Variants in RTKN2 observed in about 807,000 individuals in gnomAD.
RTKN2 encodes the protein rhotekin-2.
In RTKN2, 69 loss-of-function variants were observed where a neutral mutation model predicts 71.5. The ratio of observed to expected loss-of-function variants is 0.96; its 90% CI spans 0.79 to 1.18. The LOEUF is 1.18. Among genes scored for constraint, RTKN2 ranks in the 50% most tolerant of loss-of-function variants. The pLI is 0.00. For synonymous variants in RTKN2, 236 were observed against 236.5 expected, an observed-to-expected ratio of 1.00 and a Z score of 0.02; for missense variants, 724 against 719.7, an observed-to-expected ratio of 1.01 and a Z score of -0.07.
At chr10:62,188,713 C>A (rs573200376), downstream of RTKN2, among the ~76,000 whole-genome samples, 20 of 151,730 alleles carry the variant, frequency 1.3e-4, 1 homozygote, top group African/African-American at 4.8e-4. Flanking sequence ...CTTTTCATTC[C>A]CACTATATTT....
intron 10 of RTKN2, 107 bp from the exon 11 acceptor site, chr10:62,199,968 G>T: frequency 1.5e-6 from 1 of 682,538 alleles, no homozygotes; most frequent in South Asian, 2.0e-5. Flanking sequence ...AAAAATCAGT[G>T]AATTTATACA....
rs1841318975 is a variant in RTKN2 at position 62,195,812 on chromosome 10, G to A, written c.*2096C>T. On this transcript the variant is annotated 3_prime_UTR_variant, in exon 12 of 12. Transcript: ENST00000373789. ...CAGAAAGAGACCGAATAATTTGGTGGGGAGGGGGTGGTGGTCCTTGCTCAG... is the reference window on the plus strand; with the variant it reads ...CAGAAAGAGACCGAATAATTTGGTGAGGAGGGGGTGGTGGTCCTTGCTCAG... 1.0e-6 allele frequency: 1 copy of A among 985,506 alleles called. No homozygotes were observed. 61.0% of individuals were successfully genotyped at this position (985,506 alleles called of 1,614,324 possible). A position where few individuals can be genotyped will look rare whatever the true frequency, so the allele number is the denominator to read the frequency against.
chr10:62,268,748 GAGC>G lies in RTKN2; in HGVS notation c.-141_-139del. 1 of 881,496 alleles carries G rather than the reference GAGC, an allele frequency of 1.1e-6. No homozygotes were observed. Among genetic ancestry groups the G allele is most frequent in the Non-Finnish European group, 1.7e-6 (1 of 588,132 alleles). The allele number at this position is 881,496 out of a possible 1,614,324, so 54.6% of individuals were successfully genotyped here. ...GTCGCAGGGGCCGGGGGCGCAGGAG[GAGC>G]CGGGCCGAAGCGCACGCGCAGTGGG... is the stretch of plus-strand genomic sequence containing the variant. On this transcript the variant is annotated 5_prime_UTR_variant, in exon 1 of 12. Coordinates refer to ENST00000373789, the MANE Select transcript of RTKN2 (RefSeq NM_145307.4).
rs556527838 is a variant in RTKN2, at chr10:62,262,914, C to T, written c.61-93G>A. 1.9e-5 allele frequency: 13 copies of T among 686,440 alleles called. No homozygotes were observed. The South Asian group carries it at 3.2e-4, about 17-fold the overall frequency. The allele number at this position is 686,440 out of a possible 1,614,324, so 42.5% of individuals were successfully genotyped here. Reference sequence around the variant, plus strand: ...GAAAATAGGTATCATAATTGTATACCATATTGAGAAAGCAACAAAGTTTTA... The same window carrying T: ...GAAAATAGGTATCATAATTGTATACTATATTGAGAAAGCAACAAAGTTTTA... On this transcript the variant is annotated intron_variant, in intron 1 of 11. Transcript: ENST00000373789.
chr10:62,197,307 C>T lies in RTKN2; in HGVS notation c.*601G>A, dbSNP rs779062918. ...ATCAAGGAAACAAGTTTGAATAGCA[C>T]ATTACAAATTCCCTTTAAAGATGAA... is the stretch of plus-strand genomic sequence containing the variant. On this transcript the variant is annotated 3_prime_UTR_variant, in exon 12 of 12. Transcript: ENST00000373789. The T allele has an allele frequency of 1.1e-5, 11 of 985,238 alleles. No individual in the cohort carries two copies. Among genetic ancestry groups the T allele is most frequent in the Admixed American group, 6.2e-5 (1 of 16,240 alleles). 61.0% of individuals were successfully genotyped at this position (985,238 alleles called of 1,614,324 possible).
At chr10:62,253,763 A>G (rs998099074) in intron 2 of RTKN2, among the ~76,000 whole-genome samples, 1 of 152,182 alleles carries the variant, frequency 6.6e-6, no homozygotes, top group Non-Finnish European at 1.5e-5. Flanking sequence ...ATCTACCTGA[A>G]GTGACTGGCA....
intron 4 of RTKN2, 105 bp downstream of exon 4, chr10:62,241,037 A>G (rs982995744): frequency 1.3e-5 from 8 of 631,014 alleles, no homozygotes; most frequent in African/African-American, 9.2e-5. Flanking sequence ...TATTCTTTCA[A>G]ATGACATCAA....
intron 11 of RTKN2, among the ~76,000 whole-genome samples, chr10:62,198,810 G>A (rs1416188525): frequency 6.6e-6 from 1 of 152,234 alleles, no homozygotes; most frequent in Non-Finnish European, 1.5e-5. Context: ...AAGTATTTAT[G>A]AGATAACATT....
intron 1 of RTKN2, among the ~76,000 whole-genome samples, chr10:62,265,476 G>A (rs1420072642): frequency 6.6e-6 from 1 of 152,028 alleles, no homozygotes; most frequent in Non-Finnish European, 1.5e-5. Flanking sequence ...CGCTGAGGCA[G>A]GTCTCAGGCA....
chr10:62,191,475 C>A (rs1189949994), downstream of RTKN2, among the ~76,000 whole-genome samples: 1 of 152,188 alleles, frequency 6.6e-6, no homozygotes, highest in Admixed American at 6.5e-5. Flanking sequence ...TCTTTCACAG[C>A]ACTTAAAATG....
intron 7 of RTKN2, among the ~76,000 whole-genome samples, chr10:62,221,870 T>C (rs1841916162): frequency 1.3e-5 from 2 of 152,154 alleles, no homozygotes; most frequent in African/African-American, 4.8e-5. Context: ...CTACAGAGGC[T>C]GCAGAAATTC....
chr10:62,235,931 T>C (rs903641056), intron 6 of RTKN2, 135 bp downstream of exon 6: 2 of 661,214 alleles, frequency 3.0e-6, no homozygotes, highest in African/African-American at 3.7e-5. Context: ...GTTGAGTAAA[T>C]GTCAAACAAC....
intron 6 of RTKN2, among the ~76,000 whole-genome samples, chr10:62,226,656 G>A (rs1325380031): frequency 6.6e-6 from 1 of 152,224 alleles, no homozygotes; most frequent in African/African-American, 2.4e-5. Flanking sequence ...CTAGAACTAA[G>A]AGAGGGACAA....
In RTKN2 at chr10:62,197,265, A is replaced by G. The variant is rs1841349732; in HGVS notation, c.*643T>C. 1 of 985,616 alleles carries G rather than the reference A, an allele frequency of 1.0e-6. No homozygotes were observed. The highest frequency in any genetic ancestry group is 4.7e-5 in the South Asian group (1 of 21,296). The allele number at this position is 985,616 out of a possible 1,614,324, so 61.1% of individuals were successfully genotyped here. A position where few individuals can be genotyped will look rare whatever the true frequency, so the allele number is the denominator to read the frequency against. On this transcript the variant is annotated 3_prime_UTR_variant, in exon 12 of 12. Coordinates refer to ENST00000373789, the MANE Select transcript of RTKN2 (RefSeq NM_145307.4). Reference sequence around the variant, plus strand: ...GCTTCATTTATGAAAGTTAATGTCAACAGTATTTCAGGGCTCATCAAGGAA... The same window carrying G: ...GCTTCATTTATGAAAGTTAATGTCAGCAGTATTTCAGGGCTCATCAAGGAA...
intron 2 of RTKN2, among the ~76,000 whole-genome samples, chr10:62,259,971 C>A (rs1431159739): frequency 2.0e-5 from 3 of 152,190 alleles, no homozygotes; most frequent in Admixed American, 6.5e-5. Flanking sequence ...GTCAATTCCA[C>A]CATTTCACAC....
At chr10:62,218,692 T>A (rs1415116865) in intron 7 of RTKN2, among the ~76,000 whole-genome samples, 5 of 152,246 alleles carry the variant, frequency 3.3e-5, no homozygotes, top group African/African-American at 1.2e-4. Flanking sequence ...GTTCTGATTT[T>A]CATTATAATA....
chr10:62,254,201 G>T (rs1162797914), intron 2 of RTKN2, among the ~76,000 whole-genome samples: 1 of 152,210 alleles, frequency 6.6e-6, no homozygotes, highest in Non-Finnish European at 1.5e-5. Flanking sequence ...CCCCAGTGCT[G>T]GGGGAGAGAC....
At chr10:62,221,989 T>C (rs1047967910) in intron 7 of RTKN2, among the ~76,000 whole-genome samples, 1 of 152,012 alleles carries the variant, frequency 6.6e-6, no homozygotes, top group African/African-American at 2.4e-5. Context: ...ACCCAAGAAA[T>C]AGAAAAGCTG....
chr10:62,204,621 G>T (rs1841510314), intron 10 of RTKN2, among the ~76,000 whole-genome samples: 1 of 152,128 alleles, frequency 6.6e-6, no homozygotes, highest in Non-Finnish European at 1.5e-5. Context: ...TGACCAGAGG[G>T]AGCTTCAAAA....
Sources: allele counts gnomAD v4.1 joint callset (sites outside exome capture counted in the v4.1 genomes callset), GRCh38; gene constraint gnomAD v4.1.1; transcripts MANE v1.5; gene names NCBI Gene and HGNC (gene_info 2026-07-23, HGNC 2026-07-21).